Variants in MARK1 observed in about 807,000 individuals in gnomAD.
MARK1 encodes the protein serine/threonine-protein kinase MARK1.
In MARK1, 40 loss-of-function variants were observed where a neutral mutation model predicts 96.3. That is an observed-to-expected ratio of 0.42 (90% CI 0.32 to 0.54). The LOEUF (loss-of-function observed/expected upper bound fraction) is 0.54, where lower values mean the gene tolerates loss of function less well. Among genes scored for constraint, MARK1 ranks in the 20% least tolerant of loss-of-function variants. MARK1 has a pLI of 0.16. For synonymous variants in MARK1, 317 were observed against 341.2 expected (o/e 0.93, Z 0.78); for missense variants, 719 against 984.6 (o/e 0.73, Z 3.61).
chr1:220,641,840 G>A (rs527871911), intron 13 of MARK1, among the ~76,000 whole-genome samples: 17 of 152,306 alleles, frequency 1.1e-4, no homozygotes, highest in Admixed American at 2.6e-4. Flanking sequence ...CTCCCTCCCC[G>A]AGCCAAGAGA....
At chr1:220,559,997 A>G (rs1450256261) in intron 1 of MARK1, among the ~76,000 whole-genome samples, 1 of 152,192 alleles carries the variant, frequency 6.6e-6, no homozygotes, top group East Asian at 1.9e-4. Context: ...AAGAGGTTTA[A>G]TGGACTCACA....
intron 13 of MARK1, 66 bp downstream of exon 13, chr1:220,636,092 T>G: frequency 1.7e-6 from 2 of 1,168,740 alleles, no homozygotes; most frequent in Non-Finnish European, 2.3e-6. Flanking sequence ...TGTGTAAAAT[T>G]TTTATCTTTC....
intron 1 of MARK1, among the ~76,000 whole-genome samples, chr1:220,563,315 C>A (rs1043634354): frequency 6.6e-6 from 1 of 151,906 alleles, no homozygotes; most frequent in African/African-American, 2.4e-5. Flanking sequence ...AAAAAATTAC[C>A]AATTACCTGA....
At chr1:220,548,170 G>A (rs549299124) in intron 1 of MARK1, among the ~76,000 whole-genome samples, 15 of 152,222 alleles carry the variant, frequency 9.9e-5, no homozygotes, top group Non-Finnish European at 1.9e-4. Flanking sequence ...GTGATGCTAT[G>A]TAGATACAGT....
intron 1 of MARK1, among the ~76,000 whole-genome samples, chr1:220,545,828 C>T (rs754383488): frequency 6.6e-6 from 1 of 152,154 alleles, no homozygotes; most frequent in Non-Finnish European, 1.5e-5. Context: ...GTGCTAGTGA[C>T]AAAGACTCTT....
chr1:220,587,711 A>G (rs1218321265), intron 3 of MARK1, among the ~76,000 whole-genome samples: 2 of 152,116 alleles, frequency 1.3e-5, no homozygotes, highest in African/African-American at 4.8e-5. Flanking sequence ...ATCCCATTGT[A>G]TGAATATGCC....
At chr1:220,638,702 C>T (rs1454168946) in intron 13 of MARK1, among the ~76,000 whole-genome samples, 4 of 151,552 alleles carry the variant, frequency 2.6e-5, no homozygotes, top group South Asian at 4.2e-4. Context: ...AAAACATAAG[C>T]GAAAAGATTT....
At chr1:220,532,629 A>G (rs548465728) in intron 1 of MARK1, among the ~76,000 whole-genome samples, 4 of 152,344 alleles carry the variant, frequency 2.6e-5, no homozygotes, top group Admixed American at 2.6e-4. Context: ...CAAGGTGAAT[A>G]ATGAAAATCT....
At chr1:220,567,970 T>G (rs181922098) in intron 1 of MARK1, among the ~76,000 whole-genome samples, 2 of 152,284 alleles carry the variant, frequency 1.3e-5, no homozygotes, top group Admixed American at 1.3e-4. Flanking sequence ...TATGTGTCTC[T>G]TATGGGCAGC....
intron 1 of MARK1, chr1:220,572,100 A>G (rs1000105131): frequency 9.2e-5 from 14 of 152,226 alleles, no homozygotes; most frequent in African/African-American, 3.4e-4. Context: ...AGAGAACTAA[A>G]ATATCTATGG....
chr1:220,556,729 A>G (rs1304239261), intron 1 of MARK1, among the ~76,000 whole-genome samples: 1 of 152,210 alleles, frequency 6.6e-6, no homozygotes, highest in African/African-American at 2.4e-5. Flanking sequence ...AGAACTAAAT[A>G]GAAATTATAG....
chr1:220,650,586 T>A, intron 13 of MARK1, 34 bp from the exon 14 acceptor site: 3 of 1,368,412 alleles, frequency 2.2e-6, no homozygotes, highest in Non-Finnish European at 3.1e-6. Context: ...AATATATTTA[T>A]AATTTTTTAA....
At chr1:220,580,314 G>A (rs1170269332) in intron 2 of MARK1, among the ~76,000 whole-genome samples, 1 of 151,726 alleles carries the variant, frequency 6.6e-6, no homozygotes, top group Non-Finnish European at 1.5e-5. Flanking sequence ...CAAAACCCCA[G>A]CTCTACAAAA....
intron 1 of MARK1, among the ~76,000 whole-genome samples, chr1:220,547,632 T>G (rs982741088): frequency 6.6e-6 from 1 of 152,108 alleles, no homozygotes; most frequent in Non-Finnish European, 1.5e-5. Context: ...TGGTGCGATC[T>G]CAGCTCACTG....
intron 1 of MARK1, among the ~76,000 whole-genome samples, chr1:220,575,640 T>A (rs999577869): frequency 3.3e-5 from 5 of 152,074 alleles, no homozygotes; most frequent in Non-Finnish European, 7.4e-5. Context: ...TATAATATAT[T>A]CAGAATGTAT....
rs569245174 is a variant in MARK1, at chr1:220,560,138, C to T, written c.52-19216C>T. The stretch of plus-strand genomic sequence containing the variant: ...TATAAAGCCATCAGATCTCATGAGA[C>T]TTATTCACTACCATGAGAACAGTAT... On this transcript the variant is annotated intron_variant, in intron 1 of 17. Coordinates refer to ENST00000366917, the MANE Select transcript of MARK1 (RefSeq NM_018650.5). Among the ~76,000 whole-genome samples the T allele has an allele frequency of 1.1e-4, 16 of 152,210 alleles. No individual in the cohort carries two copies. In the South Asian group the frequency reaches 3.1e-3, roughly 30 times the overall value.
At chr1:220,589,233 C>T (rs1008562317) in intron 3 of MARK1, among the ~76,000 whole-genome samples, 5 of 152,142 alleles carry the variant, frequency 3.3e-5, no homozygotes, top group African/African-American at 1.2e-4. Flanking sequence ...GCATTTGGCC[C>T]CTGACTATGA....
intron 1 of MARK1, among the ~76,000 whole-genome samples, chr1:220,533,012 T>TA (rs1553311290): frequency 0.52 from 77,945 of 150,368 alleles, 20,663 homozygotes; most frequent in Non-Finnish European, 0.57. Flanking sequence ...CCCTTTTTTT[T>TA]AAAAAAAAAA....
chr1:220,646,352 C>T (rs996827155), intron 13 of MARK1, among the ~76,000 whole-genome samples: 1 of 151,904 alleles, frequency 6.6e-6, no homozygotes, highest in African/African-American at 2.4e-5. Flanking sequence ...CAGCTAGCAA[C>T]GGAAGTGAGG....
Sources: allele counts gnomAD v4.1 joint callset (sites outside exome capture counted in the v4.1 genomes callset), GRCh38; gene constraint gnomAD v4.1.1; transcripts MANE v1.5; gene names NCBI Gene and HGNC (gene_info 2026-07-23, HGNC 2026-07-21).